Variants in SKAP2 observed in about 807,000 individuals in gnomAD.
SKAP2 encodes src kinase-associated phosphoprotein 2.
Under a neutral mutation model 54.9 loss-of-function variants are expected in SKAP2, and 28 were observed. The observed-to-expected ratio is 0.51, with a 90% CI of 0.38 to 0.70. The LOEUF is 0.70. SKAP2 is among the 30% of genes least tolerant of loss of function. The probability of loss-of-function intolerance (pLI) is 0.00; values close to 1 mark genes in which losing one functional copy is unlikely to be tolerated. For missense variants in SKAP2, 356 were observed against 424.1 expected (o/e 0.84, Z 1.41); for synonymous variants, 137 against 134.3 (o/e 1.02, Z -0.14).
chr7:26,713,196 G>A (rs555887839), intron 9 of SKAP2, among the ~76,000 whole-genome samples: 9 of 152,242 alleles, frequency 5.9e-5, no homozygotes, highest in Middle Eastern at 6.8e-3. Flanking sequence ...AAAGTGCTTC[G>A]TTTGGCTTTT....
At chr7:26,827,520 A>G (rs1784516208) in intron 4 of SKAP2, among the ~76,000 whole-genome samples, 1 of 152,216 alleles carries the variant, frequency 6.6e-6, no homozygotes, top group African/African-American at 2.4e-5. Flanking sequence ...AAATTAAAAT[A>G]CGACTATGGC....
At position 26,771,251 on chromosome 7, in the gene SKAP2, T is replaced by C. The variant is rs530583587; in HGVS notation, c.308-31287A>G. Among the ~76,000 whole-genome samples, 12 of 152,308 alleles carry C rather than the reference T, an allele frequency of 7.9e-5. No individual in the cohort carries two copies. The East Asian group carries it at 2.1e-3, about 27-fold the overall frequency. ...TGATAATCAGTCTAGGACTCAAACC[T>C]AAAGGTACACTCGCCTATTGTAATC... On this transcript the variant is annotated intron_variant, in intron 4 of 12. Transcript: ENST00000345317.
intron 4 of SKAP2, among the ~76,000 whole-genome samples, chr7:26,810,010 C>A (rs1387923488): frequency 6.6e-6 from 1 of 152,126 alleles, no homozygotes; most frequent in Non-Finnish European, 1.5e-5. Flanking sequence ...CACAGTAAGA[C>A]AAATGCTGCA....
intron 4 of SKAP2, among the ~76,000 whole-genome samples, chr7:26,834,098 G>A (rs1248874342): frequency 2.0e-5 from 3 of 151,982 alleles, no homozygotes; most frequent in African/African-American, 7.3e-5. Flanking sequence ...ATCACTACTG[G>A]GTAAATAACG....
chr7:26,846,767 G>A (rs1376996179), intron 3 of SKAP2, among the ~76,000 whole-genome samples: 2 of 152,154 alleles, frequency 1.3e-5, no homozygotes, highest in Non-Finnish European at 2.9e-5. Flanking sequence ...GATCACCTGA[G>A]CTCAGGAGTT....
At chr7:26,810,290 C>T (rs988097947) in intron 4 of SKAP2, among the ~76,000 whole-genome samples, 1 of 151,348 alleles carries the variant, frequency 6.6e-6, no homozygotes, top group Non-Finnish European at 1.5e-5. Flanking sequence ...CACTGCACTC[C>T]AGCCTGGACC....
chr7:26,740,891 C>T (rs1393549758), intron 4 of SKAP2, among the ~76,000 whole-genome samples: 2 of 151,198 alleles, frequency 1.3e-5, no homozygotes, highest in Non-Finnish European at 2.9e-5. Flanking sequence ...TGGGAGCTGA[C>T]GCAGGAGAAT....
At chr7:26,846,432 CAT>C (rs762276259) in intron 3 of SKAP2, among the ~76,000 whole-genome samples, 22 of 151,810 alleles carry the variant, frequency 1.4e-4, no homozygotes, top group Admixed American at 3.9e-4. Flanking sequence ...ATTATGTGTG[CAT>C]ATATATATGT....
chr7:26,823,479 T>G (rs1459181625), intron 4 of SKAP2, among the ~76,000 whole-genome samples: 1 of 146,522 alleles, frequency 6.8e-6, no homozygotes, highest in Non-Finnish European at 1.5e-5. Flanking sequence ...ATTACTGATA[T>G]GGAGAAACTT....
At chr7:26,809,459 C>T (rs1047174124) in intron 4 of SKAP2, among the ~76,000 whole-genome samples, 1 of 151,450 alleles carries the variant, frequency 6.6e-6, no homozygotes, top group Non-Finnish European at 1.5e-5. Flanking sequence ...ATAAACTTTT[C>T]TCAAAAGAAG....
chr7:26,738,098 G>C (rs190635867), intron 6 of SKAP2, among the ~76,000 whole-genome samples: 104 of 152,188 alleles, frequency 6.8e-4, no homozygotes, highest in African/African-American at 2.4e-3. Context: ...CTCCAGCCTA[G>C]GCACCGAGAC....
chr7:26,694,702 T>C (rs1483593765), intron 9 of SKAP2, among the ~76,000 whole-genome samples: 1 of 151,516 alleles, frequency 6.6e-6, no homozygotes, highest in Non-Finnish European at 1.5e-5. Flanking sequence ...TTTTAATAGA[T>C]ATTTGGCCTT....
At chr7:26,707,125 C>A (rs1254225277) in intron 9 of SKAP2, among the ~76,000 whole-genome samples, 4 of 152,150 alleles carry the variant, frequency 2.6e-5, no homozygotes, top group Admixed American at 6.5e-5. Flanking sequence ...TTTGAGAGGC[C>A]AAGGCAGGTG....
chr7:26,713,714 C>T (rs1019385037), intron 9 of SKAP2, among the ~76,000 whole-genome samples: 1 of 152,028 alleles, frequency 6.6e-6, no homozygotes, highest in Non-Finnish European at 1.5e-5. Context: ...ATTCTCCTGC[C>T]TCAGCCTCCC....
chr7:26,758,794 A>G (rs931703028), intron 4 of SKAP2, among the ~76,000 whole-genome samples: 7 of 152,262 alleles, frequency 4.6e-5, no homozygotes, highest in Non-Finnish European at 8.8e-5. Flanking sequence ...AAGTGAAAAT[A>G]AAATAGCCAT....
At chr7:26,839,348 A>G (rs960672775) in intron 4 of SKAP2, among the ~76,000 whole-genome samples, 4 of 152,148 alleles carry the variant, frequency 2.6e-5, no homozygotes, top group Non-Finnish European at 5.9e-5. Context: ...TGTGCTATAC[A>G]CATAGCACAA....
At chr7:26,655,174 GC>G in the SKAP2 span, among the ~76,000 whole-genome samples, 2 of 152,204 alleles carry the variant, frequency 1.3e-5, no homozygotes, top group Non-Finnish European at 1.5e-5. Context: ...AAAACATTGT[GC>G]AAAAGCCTCT....
intron 9 of SKAP2, among the ~76,000 whole-genome samples, chr7:26,711,846 C>T (rs1447144883): frequency 6.6e-6 from 1 of 152,158 alleles, no homozygotes. Context: ...GATACACACA[C>T]AGGAAGTGGG....
chr7:26,813,649 A>G (rs568686946), intron 4 of SKAP2, among the ~76,000 whole-genome samples: 14 of 152,304 alleles, frequency 9.2e-5, no homozygotes, highest in Admixed American at 6.5e-4. Context: ...ACTTAGAAAC[A>G]GTCTTGAATT....
Sources: allele counts gnomAD v4.1 joint callset (sites outside exome capture counted in the v4.1 genomes callset), GRCh38; gene constraint gnomAD v4.1.1; transcripts MANE v1.5; gene names NCBI Gene and HGNC (gene_info 2026-07-23, HGNC 2026-07-21).